DOCK9: variants seen among roughly 807,000 people sequenced by gnomAD.
The protein encoded by DOCK9 is dedicator of cytokinesis protein 9.
Under a neutral mutation model 263.3 loss-of-function variants are expected in DOCK9, and 89 were observed. That is an observed-to-expected ratio of 0.34 (90% CI 0.28 to 0.40). The LOEUF (loss-of-function observed/expected upper bound fraction) is 0.40, where lower values mean the gene tolerates loss of function less well. Ranked by LOEUF, DOCK9 falls within the 10% of genes least tolerant of loss-of-function variation. The probability of loss-of-function intolerance (pLI) is 1.00; values close to 1 mark genes in which losing one functional copy is unlikely to be tolerated. For missense variants in DOCK9, 2,140 were observed against 2,603.4 expected, an observed-to-expected ratio of 0.82 and a Z score of 3.87; for synonymous variants, 976 against 973.1, an observed-to-expected ratio of 1.00 and a Z score of -0.06.
chr13:99,068,451 G>C (rs2041523545), intron 1 of DOCK9, among the ~76,000 whole-genome samples: 2 of 152,186 alleles, frequency 1.3e-5, no homozygotes, highest in South Asian at 2.1e-4. Flanking sequence ...TGGGCACAGT[G>C]GTGGGCGCCT....
intron 2 of DOCK9, among the ~76,000 whole-genome samples, chr13:98,948,848 AG>A (rs71114562): frequency 0.19 from 29,591 of 152,164 alleles, 3,302 homozygotes; most frequent in African/African-American, 0.31. Flanking sequence ...TAACCTCCTC[AG>A]GGTCCATCCA....
chr13:98,996,339 CT>C (rs1405289088), intron 1 of DOCK9, among the ~76,000 whole-genome samples: 2 of 152,224 alleles, frequency 1.3e-5, no homozygotes, highest in Non-Finnish European at 2.9e-5. Context: ...GGTCACACAT[CT>C]TTTTCCAGAT....
Position 98,800,289 on chromosome 13 carries a change from T to A in DOCK9, c.5915A>T (p.Gln1972Leu). Residue 1972 changes from glutamine (Q) to leucine (L), a missense_variant and splice_region_variant, in exon 50 of 53, where the codon CAG (glutamine) becomes CTG (leucine). Gln to Leu is a moderately radical substitution (Grantham distance 113). Coordinates refer to ENST00000682017, the MANE Select transcript of DOCK9 (RefSeq NM_001366683.2). ...QLKLQGSVSV[Q>L]VNAGPLAYAR... ...TCCGGCCTGCTGTGCCTGGCTCACC[T>A]GAACACTCACGCTGCCCTGGAGTTT... 6.3e-7 allele frequency: 1 copy of A among 1,597,188 alleles called. No homozygotes were observed. The highest frequency in any genetic ancestry group is 1.1e-5 in the South Asian group (1 of 88,070).
At chr13:98,953,438 T>A (rs2057675534) in intron 2 of DOCK9, among the ~76,000 whole-genome samples, 1 of 152,240 alleles carries the variant, frequency 6.6e-6, no homozygotes, top group Non-Finnish European at 1.5e-5. Context: ...AACATCCAGA[T>A]ACCTGTTCCC....
At chr13:98,855,760 C>T in intron 34 of DOCK9, 138 bp downstream of exon 34, 2 of 931,606 alleles carry the variant, frequency 2.1e-6, no homozygotes, top group Non-Finnish European at 3.3e-6. Flanking sequence ...AAGCTCTCAT[C>T]ACCTACTCCA....
intron 1 of DOCK9, among the ~76,000 whole-genome samples, chr13:99,028,791 A>T (rs1887041890): frequency 1.3e-5 from 2 of 152,140 alleles, no homozygotes; most frequent in Non-Finnish European, 2.9e-5. Context: ...TGGTGAGAAC[A>T]TCTTCATTTG....
chr13:99,068,559 C>T lies in DOCK9; in HGVS notation c.129+17664G>A, dbSNP rs373315525. Among the ~76,000 whole-genome samples, 9 of 152,036 alleles carry T rather than the reference C, an allele frequency of 5.9e-5. No individual in the cohort carries two copies. The South Asian group carries it at 6.2e-4, about 11-fold the overall frequency. ...ATCGCGCCCTGCACTCCAGCCTGGG[C>T]GACAAAGCGAGACTCCATCTCAAAA... On this transcript the variant is annotated intron_variant, in intron 1 of 32. Coordinates refer to the DOCK9 transcript ENST00000427887.
chr13:99,036,347 G>A lies in DOCK9; in HGVS notation c.129+49876C>T, dbSNP rs548698056. ...TCATGAATGGGTAGGTTTAGTGCTCGTATAAAGAAGAGGCCAGAGAGCTTG... is the reference window on the plus strand; with the variant it reads ...TCATGAATGGGTAGGTTTAGTGCTCATATAAAGAAGAGGCCAGAGAGCTTG... On this transcript the variant is annotated intron_variant, in intron 1 of 32. Coordinates refer to the DOCK9 transcript ENST00000427887. Among the ~76,000 whole-genome samples the A allele has an allele frequency of 2.6e-4, 40 of 152,124 alleles. 1 individual carries two copies. The South Asian group carries it at 6.7e-3, about 25-fold the overall frequency.
chr13:98,846,423 G>T (rs2093393623), intron 37 of DOCK9: 1 of 1,030,276 alleles, frequency 9.7e-7, no homozygotes. Context: ...AAAAGCAAAA[G>T]ACATGTATTT....
In DOCK9 at chr13:99,039,007, C is replaced by T. The variant is rs117870288; in HGVS notation, c.129+47216G>A. On this transcript the variant is annotated intron_variant, in intron 1 of 32. Coordinates refer to the DOCK9 transcript ENST00000427887. ...TTAAATAACTTAACTTTTTAATCCA[C>T]TTGATTTACATCCGCCTACTTTCCT... Among the ~76,000 whole-genome samples, 493 of 152,344 alleles carry T rather than the reference C, an allele frequency of 3.2e-3. 1 individual carries two copies. The highest frequency in any genetic ancestry group is 0.01 in the Middle Eastern group (3 of 294).
chr13:98,922,051 C>G lies in DOCK9; in HGVS notation c.582G>C (p.Arg194Ser). The G allele has an allele frequency of 6.3e-7, 1 of 1,590,930 alleles. No homozygotes were observed. Among genetic ancestry groups the G allele is most frequent in the Non-Finnish European group, 8.6e-7 (1 of 1,168,446 alleles). ...AGGGCAAAGTGATGTGCGTCCTCACCCTCATGGTCACGCTGATGGCACTGT... is the reference window on the plus strand; with the variant it reads ...AGGGCAAAGTGATGTGCGTCCTCACGCTCATGGTCACGCTGATGGCACTGT... Reference protein sequence around the residue: ...NMNSAISVTMRSFKRRFFHLI... With the variant: ...NMNSAISVTMSSFKRRFFHLI... Residue 194 changes from arginine to serine, a missense_variant and splice_region_variant, in exon 6 of 53, where the codon AGG becomes AGC. Transcript: ENST00000682017.
chr13:99,060,062 CTTTTTTTTTTTT>C (rs71114576), intron 1 of DOCK9, among the ~76,000 whole-genome samples: 5 of 61,462 alleles, frequency 8.1e-5, no homozygotes, highest in East Asian at 4.7e-4. Flanking sequence ...ATTGTTTCTA[CTTTTTTTTTTTT>C]TTTTTTTTTT....
At chr13:98,803,378 C>G (rs2090338676) in intron 49 of DOCK9, among the ~76,000 whole-genome samples, 1 of 152,182 alleles carries the variant, frequency 6.6e-6, no homozygotes, top group African/African-American at 2.4e-5. Flanking sequence ...AAATCCTGAC[C>G]CTGACTCAGC....
At chr13:98,999,658 A>C (rs1881888882) in intron 1 of DOCK9, among the ~76,000 whole-genome samples, 1 of 152,230 alleles carries the variant, frequency 6.6e-6, no homozygotes, top group Non-Finnish European at 1.5e-5. Context: ...AAGGGTTTAA[A>C]TTACTGATGC....
chr13:99,061,743 TTCCACC>T (rs1443637381), intron 1 of DOCK9, among the ~76,000 whole-genome samples: 1 of 152,178 alleles, frequency 6.6e-6, no homozygotes, highest in African/African-American at 2.4e-5. Context: ...CACTCTCATT[TTCCACC>T]TCCATGCCTT....
rs12859979 is a variant in DOCK9, at chr13:98,810,223, G to A, written c.5199C>T (p.Ile1733=). ...GGATGATAAGTTTGTAGATGTCGGC[G>A]ATGAGCTCGTAGCGCTCGGCTTTCC... ...GLWKAERYEL[I]ADIYKLIIPI... is the part of the protein sequence containing the mutation. The change falls in exon 46 of 53, where the codon ATC becomes ATT. Residue 1733 remains isoleucine (I), a synonymous_variant. Transcript: ENST00000682017. 150,139 of 1,613,714 alleles carry A rather than the reference G, an allele frequency of 0.093. 7,851 individuals carry two copies. The highest frequency in any genetic ancestry group is 0.11 in the South Asian group (9,611 of 91,066).
rs1254124099 is a variant in DOCK9, at chr13:98,794,578, G to A, written c.*48C>T. ...TGATTGGCTTTGGAAAGCATCCTGA[G>A]TTTGCAAATGACAAAGCAAGTCCCC... is the stretch of plus-strand genomic sequence containing the variant. On this transcript the variant is annotated 3_prime_UTR_variant, in exon 53 of 53. Transcript: ENST00000682017. The A allele has an allele frequency of 2.9e-5, 45 of 1,546,640 alleles. No individual in the cohort carries two copies. The highest frequency in any genetic ancestry group is 3.6e-5 in the Non-Finnish European group (41 of 1,143,550).
At chr13:98,977,696 C>A (rs1055941468) in intron 1 of DOCK9, 88 bp downstream of exon 1, 4 of 1,294,418 alleles carry the variant, frequency 3.1e-6, no homozygotes, top group Non-Finnish European at 4.2e-6. Context: ...AAATCAAAGA[C>A]AGGCAACAGG....
intron 15 of DOCK9, among the ~76,000 whole-genome samples, chr13:98,896,698 A>C (rs2047488113): frequency 6.6e-6 from 1 of 152,206 alleles, no homozygotes; most frequent in Non-Finnish European, 1.5e-5. Flanking sequence ...GCAAAACAGC[A>C]TAGAGGTTAA....
Sources: gnomAD v4.1 joint callset for allele counts (sites outside exome capture counted in the v4.1 genomes callset) on GRCh38, gnomAD v4.1.1 for gene constraint, MANE v1.5 for transcripts, NCBI Gene and HGNC (gene_info 2026-07-23, HGNC 2026-07-21) for gene names.